The following EDIL3 variants were observed in gnomAD, a reference collection of about 807,000 sequenced individuals.
The protein encoded by EDIL3 is EGF-like repeat and discoidin I-like domain-containing protein 3.
A neutral mutation model predicts 67.4 loss-of-function variants in EDIL3; 37 were observed. The observed-to-expected ratio is 0.55, with a 90% CI of 0.42 to 0.72. The LOEUF is 0.72. Ranked by LOEUF, EDIL3 falls within the 30% of genes least tolerant of loss-of-function variation. EDIL3 has a pLI of 0.00. For synonymous variants in EDIL3, 195 were observed against 196.3 expected, an observed-to-expected ratio of 0.99 and a Z score of 0.05; for missense variants, 527 against 586.3, an observed-to-expected ratio of 0.90 and a Z score of 1.04.
intron 1 of EDIL3, among the ~76,000 whole-genome samples, chr5:84,343,929 A>C: frequency 6.6e-6 from 1 of 152,170 alleles, no homozygotes; most frequent in Non-Finnish European, 1.5e-5. Context: ...AGGTAGTTTC[A>C]GGTTGAGTTC....
chr5:84,094,522 A>C (rs954141398), intron 6 of EDIL3, among the ~76,000 whole-genome samples: 5 of 152,164 alleles, frequency 3.3e-5, no homozygotes, highest in African/African-American at 9.7e-5. Flanking sequence ...ATGAAAAAAA[A>C]AATCTACTTC....
At chr5:84,365,720 G>A (rs186008325) in intron 1 of EDIL3, among the ~76,000 whole-genome samples, 17 of 152,164 alleles carry the variant, frequency 1.1e-4, no homozygotes, top group Admixed American at 6.5e-4. Flanking sequence ...GAACATTCCA[G>A]GTTCCTATAT....
intron 4 of EDIL3, among the ~76,000 whole-genome samples, chr5:84,144,057 A>G (rs886408217): frequency 3.7e-4 from 56 of 152,128 alleles, no homozygotes; most frequent in Non-Finnish European, 6.2e-4. Context: ...CTCTTAAAGC[A>G]TATCAATGCA....
chr5:84,134,641 GAC>G (rs1478925465), intron 5 of EDIL3, among the ~76,000 whole-genome samples: 1 of 152,032 alleles, frequency 6.6e-6, no homozygotes, highest in Admixed American at 6.6e-5. Flanking sequence ...TCTCTTAAGA[GAC>G]TACAGAAAAA....
At chr5:84,344,661 A>G (rs973937318) in intron 1 of EDIL3, among the ~76,000 whole-genome samples, 2 of 152,142 alleles carry the variant, frequency 1.3e-5, no homozygotes, top group African/African-American at 4.8e-5. Context: ...TATGTCATTA[A>G]TGTTTTTATA....
In EDIL3 at chr5:83,991,759, T is replaced by C. The variant is rs143211866; in HGVS notation, c.1138-28399A>G. Among the ~76,000 whole-genome samples the C allele has an allele frequency of 1.5e-3, 231 of 152,278 alleles. 2 individuals are homozygous for C. The highest frequency in any genetic ancestry group is 5.3e-3 in the African/African-American group (219 of 41,566). ...GATGTTGACATATCCATGGACTACA[T>C]GCCACCCTTATCACAGGCCGACCGC... On this transcript the variant is annotated intron_variant, in intron 9 of 10. Transcript: ENST00000296591.
chr5:84,118,459 A>G (rs181529949), intron 5 of EDIL3, among the ~76,000 whole-genome samples: 54 of 152,344 alleles, frequency 3.5e-4, no homozygotes, highest in African/African-American at 1.2e-3. Context: ...AACTACGGTA[A>G]CAAGTATAGT....
chr5:84,055,580 A>G (rs1327308098), intron 9 of EDIL3, among the ~76,000 whole-genome samples: 1 of 152,094 alleles, frequency 6.6e-6, no homozygotes. Context: ...GCTAATATCC[A>G]GAATCTACAA....
chr5:84,056,302 C>T (rs936264099), intron 9 of EDIL3, among the ~76,000 whole-genome samples: 1 of 150,726 alleles, frequency 6.6e-6, no homozygotes, highest in Non-Finnish European at 1.5e-5. Context: ...AGGGGTACAT[C>T]ATATACCGGG....
intron 1 of EDIL3, among the ~76,000 whole-genome samples, chr5:84,290,074 C>T (rs576687111): frequency 6.6e-6 from 1 of 152,236 alleles, no homozygotes; most frequent in Admixed American, 6.5e-5. Context: ...TTAATTTCCC[C>T]AGCCACAAGT....
Position 84,231,467 on chromosome 5 carries a change from T to C in EDIL3, c.197-1583A>G, listed in dbSNP as rs111819435. 8.5e-4 allele frequency among the ~76,000 whole-genome samples: 130 copies of C among 152,358 alleles called. 1 individual carries two copies. Among genetic ancestry groups the C allele is most frequent in the African/African-American group, 3.1e-3 (128 of 41,582 alleles). Reference sequence around the variant, plus strand: ...TTCATGAAGTTTTAAAATAAAAATTTACTCAGCTGAATTGCTTATAAAGGA... The same window carrying C: ...TTCATGAAGTTTTAAAATAAAAATTCACTCAGCTGAATTGCTTATAAAGGA... On this transcript the variant is annotated intron_variant, in intron 2 of 10. Transcript: ENST00000296591.
Position 84,004,455 on chromosome 5 carries a change from C to T in EDIL3, c.1138-41095G>A, listed in dbSNP as rs115646970. ...AATTCTTAATAAATTAAAAAAAAAT[C>T]CAAAATTATACCAAACATACTCTCA... is the stretch of plus-strand genomic sequence containing the variant. On this transcript the variant is annotated intron_variant, in intron 9 of 10. Transcript: ENST00000296591. Among the ~76,000 whole-genome samples the T allele has an allele frequency of 2.1e-3, 317 of 151,820 alleles. 3 individuals carry two copies. The highest frequency in any genetic ancestry group is 7.5e-3 in the African/African-American group (309 of 41,394).
At position 84,384,318 on chromosome 5, in the gene EDIL3, C is replaced by T. The variant is rs765479510; in HGVS notation, c.57G>A (p.Gln19=). ...GTCCCGACGCCTTACCTTTGCCGAA[C>T]TGGGGGACACCGAGGCTGAGCCCGA... The part of the protein sequence containing the change: ...LLVGLSLGVP[Q]FGKGDICDPN... The change falls in exon 1 of 11, where the codon CAG becomes CAA. Residue 19 remains glutamine (Q), a synonymous_variant. Coordinates refer to ENST00000296591, the MANE Select transcript of EDIL3 (RefSeq NM_005711.5). The T allele has an allele frequency of 1.2e-5, 19 of 1,610,210 alleles. No homozygotes were observed. The highest frequency in any genetic ancestry group is 7.6e-6 in the Non-Finnish European group (9 of 1,178,412).
rs374398149 is a variant in EDIL3 at position 84,187,852 on chromosome 5, C to T, written c.227-7331G>A. Among the ~76,000 whole-genome samples the T allele has an allele frequency of 1.4e-4, 22 of 152,012 alleles. No homozygotes were observed. In the South Asian group the frequency reaches 4.4e-3, roughly 30 times the overall value. ...TTCTCATCCTGCTCTTTTTCCTTCT[C>T]CTTTGTACTCCTCCTCCTTTGTAAA... is the stretch of plus-strand genomic sequence containing the variant. On this transcript the variant is annotated intron_variant, in intron 3 of 10. Transcript: ENST00000296591.
intron 1 of EDIL3, among the ~76,000 whole-genome samples, chr5:84,333,150 T>C (rs1746910205): frequency 6.6e-6 from 1 of 152,180 alleles, no homozygotes; most frequent in African/African-American, 2.4e-5. Flanking sequence ...GACTACTAAA[T>C]ACTGTTTCTA....
chr5:84,174,005 G>T (rs1365804186), intron 4 of EDIL3, among the ~76,000 whole-genome samples: 1 of 152,152 alleles, frequency 6.6e-6, no homozygotes, highest in Non-Finnish European at 1.5e-5. Context: ...AGGGGGTGGT[G>T]GTGCACTGCT....
intron 4 of EDIL3, among the ~76,000 whole-genome samples, chr5:84,142,410 G>T (rs1243140073): frequency 6.6e-6 from 1 of 151,984 alleles, no homozygotes; most frequent in Non-Finnish European, 1.5e-5. Context: ...TAATTAGTAA[G>T]TAATTAATTA....
chr5:84,047,187 G>A (rs1402635758), intron 9 of EDIL3, among the ~76,000 whole-genome samples: 1 of 152,032 alleles, frequency 6.6e-6, no homozygotes, highest in East Asian at 1.9e-4. Flanking sequence ...CCCTGTATCT[G>A]GGGTTAATCT....
At chr5:84,372,253 G>A (rs976487878) in intron 1 of EDIL3, among the ~76,000 whole-genome samples, 3 of 152,042 alleles carry the variant, frequency 2.0e-5, no homozygotes, top group South Asian at 2.1e-4. Flanking sequence ...AAATATGTAC[G>A]ACTTCAGCAT....
Sources: gnomAD v4.1 joint callset for allele counts (sites outside exome capture counted in the v4.1 genomes callset) on GRCh38, gnomAD v4.1.1 for gene constraint, MANE v1.5 for transcripts, NCBI Gene and HGNC (gene_info 2026-07-23, HGNC 2026-07-21) for gene names.